Variants in RNF216 observed in about 807,000 individuals in gnomAD.
RNF216 encodes ring finger protein 216, also known as E3 ubiquitin-protein ligase RNF216.
RNF216 carries 72 observed loss-of-function variants against 110.8 expected under a neutral mutation model. The observed-to-expected ratio is 0.65, with a 90% CI of 0.54 to 0.79. The LOEUF (loss-of-function observed/expected upper bound fraction) is 0.79. Ranked by LOEUF, RNF216 falls within the 30% of genes least tolerant of loss-of-function variation. The pLI, the probability that RNF216 is intolerant of heterozygous loss-of-function variation, is 0.00. For missense variants in RNF216, 1,342 were observed against 1,141.2 expected, an observed-to-expected ratio of 1.18 and a Z score of -2.54; for synonymous variants, 495 against 407.5, an observed-to-expected ratio of 1.21 and a Z score of -2.59.
chr7:5,762,260 C>A (rs1394638190), intron 1 of RNF216, among the ~76,000 whole-genome samples: 1 of 152,090 alleles, frequency 6.6e-6, no homozygotes, highest in African/African-American at 2.4e-5. Context: ...TGGTGGCTCA[C>A]ACCTGTAATC....
chr7:5,642,638 C>T lies in RNF216; in HGVS notation c.2160-1262G>A, dbSNP rs181248704. On this transcript the variant is annotated intron_variant, in intron 14 of 16. Coordinates refer to ENST00000389902, the MANE Select transcript of RNF216 (RefSeq NM_207111.4). ...ACATCACCACACCTGGCTTTCATGC[C>T]CGGCCATTTTTTGTATTTTTAGTAG... Among the ~76,000 whole-genome samples the T allele has an allele frequency of 6.6e-5, 10 of 151,442 alleles. No individual in the cohort carries two copies. The East Asian group carries it at 1.9e-3, about 29-fold the overall frequency.
At chr7:5,647,474 C>A (rs1562786927) in intron 14 of RNF216, among the ~76,000 whole-genome samples, 1 of 151,802 alleles carries the variant, frequency 6.6e-6, no homozygotes, top group African/African-American at 2.4e-5. Context: ...GCTGGGACTA[C>A]AGGCACGTGC....
intron 1 of RNF216, among the ~76,000 whole-genome samples, chr7:5,762,368 C>T (rs939508357): frequency 1.3e-5 from 2 of 151,504 alleles, no homozygotes; most frequent in African/African-American, 4.8e-5. Flanking sequence ...ATTAAAAACA[C>T]ACACACAGGC....
At chr7:5,710,134 C>T (rs571371072) in intron 13 of RNF216, among the ~76,000 whole-genome samples, 12 of 152,200 alleles carry the variant, frequency 7.9e-5, no homozygotes, top group South Asian at 2.1e-4. Flanking sequence ...CTGAGGTGGG[C>T]GGATCACTGG....
In RNF216 at chr7:5,698,020, G is replaced by A. The variant is rs986375147; in HGVS notation, c.2061+13741C>T. 1.8e-4 allele frequency among the ~76,000 whole-genome samples: 28 copies of A among 152,238 alleles called. No homozygotes were observed. The East Asian group carries it at 2.3e-3, about 13-fold the overall frequency. On this transcript the variant is annotated intron_variant, in intron 13 of 16. Coordinates refer to ENST00000389902, the MANE Select transcript of RNF216 (RefSeq NM_207111.4). ...AGCTTCTCAGACATAGGCAGCTTTT[G>A]AAACTTCAAATGCTTTTCATACAAG... is the stretch of plus-strand genomic sequence containing the variant.
chr7:5,723,123 A>T (rs1271692280), intron 8 of RNF216, among the ~76,000 whole-genome samples: 4 of 152,176 alleles, frequency 2.6e-5, no homozygotes, highest in Non-Finnish European at 5.9e-5. Flanking sequence ...ATAAAATGAT[A>T]ATAATGGCAC....
intron 4 of RNF216, 96 bp downstream of exon 4, chr7:5,740,877 C>T (rs1169671017): frequency 3.9e-5 from 46 of 1,180,148 alleles, no homozygotes; most frequent in Non-Finnish European, 4.9e-5. Context: ...ATGAAGTCCA[C>T]GCATACCAAC....
At chr7:5,691,079 C>T (rs539514186) in intron 13 of RNF216, among the ~76,000 whole-genome samples, 2 of 152,298 alleles carry the variant, frequency 1.3e-5, no homozygotes, top group African/African-American at 4.8e-5. Context: ...TCTGTTCTCA[C>T]GGGTTGATCT....
In RNF216 at chr7:5,725,400, T is replaced by G; in HGVS notation, c.1428A>C (p.Ser476=). Residue 476 remains serine (S), a synonymous_variant, in exon 8 of 17, where the codon TCA becomes TCC. Coordinates refer to ENST00000389902, the MANE Select transcript of RNF216 (RefSeq NM_207111.4). ...SDAIKKWQEL[S]PETSGKRKKR... ...TCTTCCTTTTTCCACTGGTTTCTGG[T>G]GACAGCTCCTGCCATTTTTTAATGG... The G allele has an allele frequency of 2.5e-6, 4 of 1,613,746 alleles. No homozygotes were observed. Among genetic ancestry groups the G allele is most frequent in the Non-Finnish European group, 3.4e-6 (4 of 1,179,616 alleles).
chr7:5,750,952 C>T (rs1168424238), intron 3 of RNF216, among the ~76,000 whole-genome samples: 1 of 152,104 alleles, frequency 6.6e-6, no homozygotes, highest in Non-Finnish European at 1.5e-5. Context: ...ACAGATAAAA[C>T]ACAGCAAGTA....
intron 7 of RNF216, among the ~76,000 whole-genome samples, chr7:5,726,272 C>G (rs59695062): frequency 7.0e-4 from 106 of 152,092 alleles, no homozygotes; most frequent in African/African-American, 2.5e-3. Context: ...GAGACCCTGT[C>G]TCAAACAAAA....
intron 16 of RNF216, among the ~76,000 whole-genome samples, chr7:5,623,752 A>G (rs1786535536): frequency 6.6e-6 from 1 of 152,300 alleles, no homozygotes; most frequent in South Asian, 2.1e-4. Flanking sequence ...TTTCAGCCTC[A>G]GAAGGATCAG....
At chr7:5,744,658 A>C (rs1004020600) in intron 3 of RNF216, among the ~76,000 whole-genome samples, 2 of 152,130 alleles carry the variant, frequency 1.3e-5, no homozygotes, top group South Asian at 2.1e-4. Flanking sequence ...AACAAACAAA[A>C]AACAACCCTC....
At chr7:5,773,272 T>TC (rs1172993792) in intron 1 of RNF216, among the ~76,000 whole-genome samples, 10 of 151,686 alleles carry the variant, frequency 6.6e-5, no homozygotes, top group Non-Finnish European at 4.4e-5. Context: ...AGACAGAGTC[T>TC]CCCACTGTCA....
At chr7:5,743,987 C>T (rs1441951925) in intron 3 of RNF216, among the ~76,000 whole-genome samples, 1 of 152,186 alleles carries the variant, frequency 6.6e-6, no homozygotes, top group African/African-American at 2.4e-5. Flanking sequence ...ATGACTTACA[C>T]TCAATCAAAA....
At chr7:5,674,503 C>CTGTA (rs778120915) in intron 13 of RNF216, among the ~76,000 whole-genome samples, 260 of 152,038 alleles carry the variant, frequency 1.7e-3, no homozygotes, top group Non-Finnish European at 3.3e-3. Context: ...TGGCACACAC[C>CTGTA]TGTAGTCCCA....
In RNF216 at chr7:5,624,074, G is replaced by A; in HGVS notation, c.2434C>T (p.Gln812Ter). 6.2e-7 allele frequency: 1 copy of A among 1,613,718 alleles called. No individual in the cohort carries two copies. Among genetic ancestry groups the A allele is most frequent in the Non-Finnish European group, 8.5e-7 (1 of 1,179,934 alleles). The stretch of plus-strand genomic sequence containing the variant: ...CACTTGCCTCCATTCTTTCTTTTCT[G>A]TTCCTCTTCAGCCTCCTTCTGGATT... ...EEIQKEAEEE[Q>*]KRKNGENTFK... Residue 812 changes from glutamine to a stop codon, truncating the protein, a stop_gained, in exon 16 of 17, where the codon CAG (glutamine) becomes TAG (stop). Coordinates refer to ENST00000389902, the MANE Select transcript of RNF216 (RefSeq NM_207111.4). LOFTEE classifies it high-confidence loss of function. This position sits in a 1 kb window ranked among gnomAD's most constrained non-coding sequence, Gnocchi z 4.4.
chr7:5,626,070 A>G (rs2128556188), intron 15 of RNF216, among the ~76,000 whole-genome samples: 1 of 152,346 alleles, frequency 6.6e-6, no homozygotes, highest in East Asian at 1.9e-4. Flanking sequence ...CCCATCATGC[A>G]TTTCAAGAGT....
intron 13 of RNF216, among the ~76,000 whole-genome samples, chr7:5,683,127 AAAAC>A (rs757444515): frequency 3.3e-5 from 5 of 152,276 alleles, no homozygotes; most frequent in South Asian, 4.1e-4. Context: ...TTATATGGTA[AAAAC>A]AAACAAACAA....
Sources: allele counts gnomAD v4.1 joint callset (sites outside exome capture counted in the v4.1 genomes callset), GRCh38; gene constraint gnomAD v4.1.1; non-coding constraint Gnocchi (gnomAD v3.1); transcripts MANE v1.5; gene names NCBI Gene and HGNC (gene_info 2026-07-23, HGNC 2026-07-21).